LRRC38: variants seen among roughly 807,000 people sequenced by gnomAD.
LRRC38 encodes the protein leucine-rich repeat-containing protein 38.
LRRC38 carries 5 observed loss-of-function variants against 16.4 expected under a neutral mutation model. The observed-to-expected ratio is 0.31, with a 90% CI of 0.16 to 0.64. LRRC38 has a LOEUF of 0.64. LRRC38 is among the 30% of genes least tolerant of loss of function. LRRC38 has a pLI of 0.80. For synonymous variants in LRRC38, 191 were observed against 190.2 expected (o/e 1.00, Z -0.04); for missense variants, 341 against 401.8 (o/e 0.85, Z 1.29).
intron 1 of LRRC38, among the ~76,000 whole-genome samples, chr1:13,505,836 G>T (rs1319128264): frequency 6.6e-6 from 1 of 152,022 alleles, no homozygotes; most frequent in African/African-American, 2.4e-5. Flanking sequence ...AGGGGCTCCG[G>T]CTGGATACTG....
intron 1 of LRRC38, among the ~76,000 whole-genome samples, chr1:13,512,419 T>C (rs1211231704): frequency 1.3e-5 from 2 of 152,324 alleles, no homozygotes; most frequent in East Asian, 3.9e-4. Context: ...AAATCATTAC[T>C]GCATCATTGG....
intron 1 of LRRC38, among the ~76,000 whole-genome samples, chr1:13,493,422 G>T (rs1169384753): frequency 6.6e-6 from 1 of 152,184 alleles, no homozygotes; most frequent in East Asian, 1.9e-4. Flanking sequence ...ACTGTCACAG[G>T]TGGGGACACA....
intron 1 of LRRC38, among the ~76,000 whole-genome samples, chr1:13,489,515 G>A (rs1460919727): frequency 6.6e-6 from 1 of 151,732 alleles, no homozygotes; most frequent in Non-Finnish European, 1.5e-5. Flanking sequence ...AGTCTGGACT[G>A]GAACCCAGGT....
At chr1:13,498,269 T>C (rs965384344) in intron 1 of LRRC38, among the ~76,000 whole-genome samples, 1 of 150,244 alleles carries the variant, frequency 6.7e-6, no homozygotes, top group Admixed American at 6.6e-5. Context: ...AAGAGCCCAG[T>C]TTGTGTTTTA....
At chr1:13,511,847 A>T (rs911999296) in intron 1 of LRRC38, among the ~76,000 whole-genome samples, 12 of 152,154 alleles carry the variant, frequency 7.9e-5, no homozygotes, top group Admixed American at 2.0e-4. Context: ...CTGAAGAGTG[A>T]GCACCCCGAA....
At chr1:13,485,453 A>G (rs1290320921) in intron 1 of LRRC38, among the ~76,000 whole-genome samples, 1 of 151,986 alleles carries the variant, frequency 6.6e-6, no homozygotes, top group East Asian at 1.9e-4. Context: ...CGACTGTCCC[A>G]TCTATTCGGG....
chr1:13,500,760 G>A (rs778900710), intron 1 of LRRC38, among the ~76,000 whole-genome samples: 30 of 152,314 alleles, frequency 2.0e-4, no homozygotes, highest in Non-Finnish European at 4.0e-4. Flanking sequence ...ACCTGTCTCA[G>A]ATACCTTTTG....
chr1:13,506,398 AC>A (rs1639214003), intron 1 of LRRC38, among the ~76,000 whole-genome samples: 1 of 152,098 alleles, frequency 6.6e-6, no homozygotes, highest in African/African-American at 2.4e-5. Flanking sequence ...AATGCTCCTG[AC>A]CCAGGGACTC....
At chr1:13,498,742 C>A (rs1227052032) in intron 1 of LRRC38, among the ~76,000 whole-genome samples, 2 of 152,292 alleles carry the variant, frequency 1.3e-5, no homozygotes, top group East Asian at 3.9e-4. Flanking sequence ...TGGCATTATC[C>A]CCTGCAGGTG....
intron 1 of LRRC38, among the ~76,000 whole-genome samples, chr1:13,510,977 A>G (rs1333260311): frequency 6.6e-6 from 1 of 152,194 alleles, no homozygotes; most frequent in African/African-American, 2.4e-5. Context: ...GTGAGACCAG[A>G]GCTGCTCATG....
chr1:13,512,204 T>A (rs1639281503), intron 1 of LRRC38, among the ~76,000 whole-genome samples: 2 of 152,134 alleles, frequency 1.3e-5, no homozygotes, highest in African/African-American at 4.8e-5. Context: ...TGGGGTCCCC[T>A]CCTTCTCAGC....
chr1:13,510,052 C>T (rs779204426), intron 1 of LRRC38, among the ~76,000 whole-genome samples: 13 of 152,160 alleles, frequency 8.5e-5, no homozygotes, highest in Non-Finnish European at 1.3e-4. Flanking sequence ...AGAAACACCA[C>T]GGTGCTCCCC....
At chr1:13,505,495 C>G (rs138795741) in intron 1 of LRRC38, among the ~76,000 whole-genome samples, 1 of 152,326 alleles carries the variant, frequency 6.6e-6, no homozygotes, top group Non-Finnish European at 1.5e-5. Context: ...CCCTGGATGA[C>G]CCCTAGGAGT....
chr1:13,510,577 G>A (rs1342262289), intron 1 of LRRC38, among the ~76,000 whole-genome samples: 1 of 145,688 alleles, frequency 6.9e-6, no homozygotes, highest in Non-Finnish European at 1.5e-5. Context: ...GTAGAGGCAG[G>A]ATTTGAAGGC....
intron 1 of LRRC38, among the ~76,000 whole-genome samples, chr1:13,492,913 C>G (rs60056622): frequency 0.01 from 1,538 of 152,228 alleles, 34 homozygotes; most frequent in African/African-American, 0.035. Flanking sequence ...CCCTCTCCCC[C>G]CTGACCCAGG....
At position 13,483,429 on chromosome 1, in the gene LRRC38, G is replaced by A. The variant is rs551409027; in HGVS notation, c.632-7330C>T. 2.0e-5 allele frequency among the ~76,000 whole-genome samples: 3 copies of A among 152,232 alleles called. No homozygotes were observed. In the East Asian group the frequency reaches 5.8e-4, roughly 30 times the overall value. The stretch of plus-strand genomic sequence containing the variant: ...CTCCCGAAGTGCTGGGATTACAGGC[G>A]TGAGCCACCACACCCAGCCCAGGCA... On this transcript the variant is annotated intron_variant, in intron 1 of 1. Transcript: ENST00000376085.
chr1:13,490,149 T>TTTTTTTG (rs796407491), intron 1 of LRRC38, among the ~76,000 whole-genome samples: 4 of 152,060 alleles, frequency 2.6e-5, no homozygotes, highest in Non-Finnish European at 5.9e-5. Flanking sequence ...ATCATAGTGT[T>TTTTTTTG]TTTTTTGTTT....
At chr1:13,505,927 A>T (rs886261230) in intron 1 of LRRC38, among the ~76,000 whole-genome samples, 1 of 88,408 alleles carries the variant, frequency 1.1e-5, no homozygotes, top group Non-Finnish European at 2.1e-5. Flanking sequence ...AGAAGTGATA[A>T]GGAGGGGCCC....
intron 1 of LRRC38, among the ~76,000 whole-genome samples, chr1:13,493,521 T>C (rs1639043173): frequency 6.6e-6 from 1 of 152,178 alleles, no homozygotes. Context: ...TATGCTGCCT[T>C]GTAAGGCAGA....
Sources: gnomAD v4.1 joint callset for allele counts (sites outside exome capture counted in the v4.1 genomes callset) on GRCh38, gnomAD v4.1.1 for gene constraint, MANE v1.5 for transcripts, NCBI Gene and HGNC (gene_info 2026-07-23, HGNC 2026-07-21) for gene names.